RUBCNL: variants seen among roughly 807,000 people sequenced by gnomAD.
RUBCNL encodes the protein protein associated with UVRAG as autophagy enhancer.
A neutral mutation model predicts 69.5 loss-of-function variants in RUBCNL; 62 were observed. The observed-to-expected ratio is 0.89, with a 90% CI of 0.73 to 1.10. The LOEUF (loss-of-function observed/expected upper bound fraction) is 1.10. Ranked by LOEUF, RUBCNL falls within the 50% of genes least tolerant of loss-of-function variation. RUBCNL has a pLI of 0.00. For synonymous variants in RUBCNL, 291 were observed against 303.6 expected (o/e 0.96, Z 0.43); for missense variants, 768 against 798.1 (o/e 0.96, Z 0.45).
chr13:46,365,001 G>T (rs1210111521), intron 5 of RUBCNL, among the ~76,000 whole-genome samples: 1 of 151,956 alleles, frequency 6.6e-6, no homozygotes, highest in Non-Finnish European at 1.5e-5. Flanking sequence ...AGCCATCTAA[G>T]AGTTTAAAAT....
rs143465179 is a variant in RUBCNL, at chr13:46,350,219, T to C, written c.1463A>G (p.Asn488Ser). 1.1e-5 allele frequency: 18 copies of C among 1,593,616 alleles called. No homozygotes were observed. The African/African-American group carries it at 2.0e-4, about 18-fold the overall frequency. Reference sequence around the variant, plus strand: ...GCTGTCGAGCAGCTGTTTGGAGAAATTGCTGACGTAGTACTTCTTGAAGTC... The same window carrying C: ...GCTGTCGAGCAGCTGTTTGGAGAAACTGCTGACGTAGTACTTCTTGAAGTC... ...MWDFKKYYVS[N>S]FSKQLLDSIW... Residue 488 changes from asparagine to serine, a missense_variant, in exon 11 of 15, where the codon AAT becomes AGT. Physicochemically the swap from Asn to Ser is conservative, Grantham distance 46 (BLOSUM62 1). Coordinates refer to ENST00000429979, the MANE Select transcript of RUBCNL (RefSeq NM_025113.5).
At position 46,372,603 on chromosome 13, in the gene RUBCNL, A is replaced by G; in HGVS notation, c.-122-6T>C. On this transcript the variant is annotated splice_region_variant and splice_polypyrimidine_tract_variant and intron_variant, in intron 2 of 14. Coordinates refer to ENST00000429979, the MANE Select transcript of RUBCNL (RefSeq NM_025113.5). ...TGGGGGTCTGGAGAGCTATTCTGCA[A>G]TGAGCAAGGAATCATTCAAAATAAG... 6.9e-7 allele frequency: 1 copy of G among 1,442,574 alleles called. No individual in the cohort carries two copies. Among genetic ancestry groups the G allele is most frequent in the Non-Finnish European group, 9.1e-7 (1 of 1,100,486 alleles). The allele number at this position is 1,442,574 out of a possible 1,614,324, so 89.4% of individuals were successfully genotyped here.
At position 46,350,321 on chromosome 13, in the gene RUBCNL, T is replaced by C; in HGVS notation, c.1361A>G (p.Tyr454Cys). ...GCAGTCACAGAAATACTTCCCTAGGTATTCGCAGTACCGGAGCCGCTTCAC... is the reference window on the plus strand; with the variant it reads ...GCAGTCACAGAAATACTTCCCTAGGCATTCGCAGTACCGGAGCCGCTTCAC... ...KFVKRLRYCEYLGKYFCDCCH... is the reference protein window; with the variant it reads ...KFVKRLRYCECLGKYFCDCCH... The change falls in exon 11 of 15, where the codon TAC becomes TGC. Residue 454 changes from tyrosine to cysteine, a missense_variant. Coordinates refer to ENST00000429979, the MANE Select transcript of RUBCNL (RefSeq NM_025113.5). The C allele has an allele frequency of 6.4e-7, 1 of 1,560,090 alleles. No individual in the cohort carries two copies. Among genetic ancestry groups the C allele is most frequent in the Non-Finnish European group, 8.7e-7 (1 of 1,150,426 alleles).
At chr13:46,344,283 G>A (rs1445300445) in intron 14 of RUBCNL, among the ~76,000 whole-genome samples, 3 of 152,064 alleles carry the variant, frequency 2.0e-5, no homozygotes, top group East Asian at 1.9e-4. Flanking sequence ...GGATTCTCTC[G>A]GGCACTAATA....
At position 46,378,592 on chromosome 13, in the gene RUBCNL, G is replaced by A. The variant is rs796612594; in HGVS notation, c.-238-587C>T. On this transcript the variant is annotated intron_variant, in intron 1 of 14. Coordinates refer to ENST00000429979, the MANE Select transcript of RUBCNL (RefSeq NM_025113.5). ...CCAAGTCATTGTGACATCAGAGTCA[G>A]TGGCCCCATCGAGAATGATTGCATC... 17 of 152,372 alleles carry A rather than the reference G, an allele frequency of 1.1e-4. 1 individual carries two copies. The highest frequency in any genetic ancestry group is 4.1e-4 in the African/African-American group (17 of 41,540). 9.4% of individuals were successfully genotyped at this position (152,372 alleles called of 1,614,324 possible). A position where few individuals can be genotyped will look rare whatever the true frequency, so the allele number is the denominator to read the frequency against.
intron 5 of RUBCNL, among the ~76,000 whole-genome samples, chr13:46,364,606 G>GTTTA (rs1337148333): frequency 5.5e-5 from 8 of 145,720 alleles, no homozygotes; most frequent in Admixed American, 2.1e-4. Flanking sequence ...ACTTAGTACA[G>GTTTA]ACACAATAAT....
intron 10 of RUBCNL, 34 bp downstream of exon 10, chr13:46,356,398 C>T (rs772918852): frequency 1.1e-5 from 17 of 1,607,952 alleles, no homozygotes; most frequent in Non-Finnish European, 1.3e-5. Context: ...CTTGTCATCA[C>T]ATCATAAGCA....
chr13:46,367,863 A>C, intron 5 of RUBCNL, among the ~76,000 whole-genome samples, 179 bp downstream of exon 5: 1 of 152,274 alleles, frequency 6.6e-6, no homozygotes. Flanking sequence ...CTAGTCACTT[A>C]GTAACCCTCT....
In RUBCNL at chr13:46,372,004, G is replaced by T; in HGVS notation, c.472C>A (p.Pro158Thr). 6.2e-7 allele frequency: 1 copy of T among 1,614,026 alleles called. No individual in the cohort carries two copies. Among genetic ancestry groups the T allele is most frequent in the Non-Finnish European group, 8.5e-7 (1 of 1,179,890 alleles). The change falls in exon 3 of 15, where the codon CCA becomes ACA. Residue 158 changes from proline (P) to threonine (T), a missense_variant. Transcript: ENST00000429979. ...PTSPGILATS[P>T]YPETDSAFFE... ...AAAGCACTGTCAGTCTCAGGATATG[G>T]GGAGGTGGCCAAAATCCCAGGGCTT... is the stretch of plus-strand genomic sequence containing the variant.
At chr13:46,358,930 C>A (rs58840062) in intron 9 of RUBCNL, among the ~76,000 whole-genome samples, 3 of 151,898 alleles carry the variant, frequency 2.0e-5, no homozygotes, top group Admixed American at 6.6e-5. Flanking sequence ...GAAGTTTATT[C>A]ATTCATTTTT....
intron 5 of RUBCNL, 36 bp from the exon 6 acceptor site, chr13:46,363,249 GAAGAAA>G (rs1374842625): frequency 8.2e-7 from 1 of 1,223,562 alleles, no homozygotes; most frequent in Non-Finnish European, 1.1e-6. Context: ...TTACCAATAA[GAAGAAA>G]AAGAAAAACT....
At chr13:46,365,302 C>CA (rs34280215) in intron 5 of RUBCNL, among the ~76,000 whole-genome samples, 3,306 of 58,416 alleles carry the variant, frequency 0.057, 117 homozygotes, top group South Asian at 0.11. Flanking sequence ...GACTCCATCT[C>CA]AAAAAAAAAA....
chr13:46,341,784 G>A lies in RUBCNL; in HGVS notation c.*1601C>T, dbSNP rs2048145447. ...ACACCACAAAAGAAGCAGGGCCTAAGCATGGGCTTTGGAGGCAGGTGGACT... is the reference window on the plus strand; with the variant it reads ...ACACCACAAAAGAAGCAGGGCCTAAACATGGGCTTTGGAGGCAGGTGGACT... On this transcript the variant is annotated 3_prime_UTR_variant, in exon 15 of 15. Transcript: ENST00000429979. Among the ~76,000 whole-genome samples, 1 of 152,252 alleles carries A rather than the reference G, an allele frequency of 6.6e-6. No homozygotes were observed. Among genetic ancestry groups the A allele is most frequent in the Admixed American group, 6.5e-5 (1 of 15,290 alleles).
At chr13:46,369,860 T>C (rs2048839766) in intron 3 of RUBCNL, among the ~76,000 whole-genome samples, 1 of 152,232 alleles carries the variant, frequency 6.6e-6, no homozygotes, top group Non-Finnish European at 1.5e-5. Context: ...CCTTGCTTCA[T>C]GTTCAAGAAA....
chr13:46,366,116 T>C (rs1250107419), intron 5 of RUBCNL, among the ~76,000 whole-genome samples: 3 of 152,154 alleles, frequency 2.0e-5, no homozygotes, highest in Non-Finnish European at 2.9e-5. Context: ...GTATACTAAA[T>C]AGGAATTACT....
rs2048129000 is a variant in RUBCNL, at chr13:46,339,860, A to AAAACAC, written c.*3524_*3525insGTGTTT. On this transcript the variant is annotated 3_prime_UTR_variant, in exon 15 of 15. Transcript: ENST00000429979. The stretch of plus-strand genomic sequence containing the variant: ...GGTGACAGAGCAAGACTCCATTTCA[A>AAAACAC]AAAAACAAAAACAAAAACAAAACAA... Among the ~76,000 whole-genome samples the AAAACAC allele has an allele frequency of 1.3e-5, 2 of 150,526 alleles. No individual in the cohort carries two copies. Among genetic ancestry groups the AAAACAC allele is most frequent in the African/African-American group, 4.9e-5 (2 of 40,946 alleles).
In RUBCNL at chr13:46,336,842, G is replaced by A. The variant is rs968863224; in HGVS notation, c.*6543C>T. ...GAGGTAGAACTGGAAAGGAATGTGA[G>A]GTTAAAGAATTTTTTTCTCTCTGCA... is the stretch of plus-strand genomic sequence containing the variant. On this transcript the variant is annotated 3_prime_UTR_variant, in exon 15 of 15. Coordinates refer to ENST00000429979, the MANE Select transcript of RUBCNL (RefSeq NM_025113.5). Among the ~76,000 whole-genome samples the A allele has an allele frequency of 1.3e-5, 2 of 152,034 alleles. No individual in the cohort carries two copies. The highest frequency in any genetic ancestry group is 1.9e-4 in the East Asian group (1 of 5,174).
rs2048903378 is a variant in RUBCNL, at chr13:46,372,562, T to C, written c.-87A>G. 4 of 1,492,724 alleles carry C rather than the reference T, an allele frequency of 2.7e-6. No individual in the cohort carries two copies. The South Asian group carries it at 4.0e-5, about 15-fold the overall frequency. The allele number at this position is 1,492,724 out of a possible 1,614,324, so 92.5% of individuals were successfully genotyped here. ...GTACTACTTGATTTGGGCCCTGAAC[T>C]CACCACATGGCCAGCTGGGGGTCTG... On this transcript the variant is annotated 5_prime_UTR_variant, in exon 3 of 15. It removes the in-frame stop codon of an upstream open reading frame in the 5' UTR. Transcript: ENST00000429979.
rs1318958367 is a variant in RUBCNL at position 46,377,127 on chromosome 13, G to A, written c.-123+763C>T. Reference sequence around the variant, plus strand: ...TTTCCAAGAGAATAAAACTATATAAGTAAGTTATGGTTTATCCTCAATTTT... The same window carrying A: ...TTTCCAAGAGAATAAAACTATATAAATAAGTTATGGTTTATCCTCAATTTT... On this transcript the variant is annotated intron_variant, in intron 2 of 14. Transcript: ENST00000429979. Among the ~76,000 whole-genome samples, 4 of 152,268 alleles carry A rather than the reference G, an allele frequency of 2.6e-5. No homozygotes were observed. In the East Asian group the frequency reaches 7.7e-4, roughly 29 times the overall value.
Sources: allele counts gnomAD v4.1 joint callset (sites outside exome capture counted in the v4.1 genomes callset), GRCh38; gene constraint gnomAD v4.1.1; transcripts MANE v1.5; gene names NCBI Gene and HGNC (gene_info 2026-07-23, HGNC 2026-07-21).